TPO: variants seen among roughly 807,000 people sequenced by gnomAD.
The protein encoded by TPO is thyroid peroxidase.
In TPO, 78 loss-of-function variants were observed where a neutral mutation model predicts 96.9. That is an observed-to-expected ratio of 0.81 (90% CI 0.67 to 0.97). The LOEUF (loss-of-function observed/expected upper bound fraction) is 0.97. Among genes scored for constraint, TPO ranks in the 50% least tolerant of loss-of-function variants. The probability of loss-of-function intolerance (pLI) is 0.00; values close to 1 mark genes in which losing one functional copy is unlikely to be tolerated. For synonymous variants in TPO, 547 were observed against 538.0 expected (o/e 1.02, Z -0.23); for missense variants, 1,252 against 1,274.8 (o/e 0.98, Z 0.27).
At chr2:1,498,305 G>A (rs538296797) in intron 13 of TPO, among the ~76,000 whole-genome samples, 9 of 152,288 alleles carry the variant, frequency 5.9e-5, no homozygotes, top group East Asian at 1.9e-4. Context: ...TGCGGCTCCC[G>A]CCAAGTCTGT....
chr2:1,380,175 A>G (rs951183154), intron 1 of TPO, among the ~76,000 whole-genome samples: 2 of 152,140 alleles, frequency 1.3e-5, no homozygotes, highest in African/African-American at 4.8e-5. Context: ...TGGGCGGATC[A>G]TGAGGTCAGG....
chr2:1,379,441 A>T (rs968569602), intron 1 of TPO, among the ~76,000 whole-genome samples: 1 of 152,158 alleles, frequency 6.6e-6, no homozygotes, highest in African/African-American at 2.4e-5. Flanking sequence ...AACAGGCGGT[A>T]GATCAAGCCA....
chr2:1,397,675 T>C (rs938325), intron 1 of TPO, among the ~76,000 whole-genome samples: 75,854 of 151,974 alleles, frequency 0.5, 19,086 homozygotes, highest in South Asian at 0.58. Context: ...CTCTGGTCCT[T>C]GTTGTTGCTC....
intron 15 of TPO, among the ~76,000 whole-genome samples, chr2:1,518,118 C>T (rs532794298): frequency 1.7e-4 from 26 of 152,324 alleles, no homozygotes; most frequent in Non-Finnish European, 2.4e-4. Context: ...CAGCCTCACC[C>T]GATACCACAT....
chr2:1,481,484 C>A (rs1047702646), intron 8 of TPO, among the ~76,000 whole-genome samples: 1 of 152,136 alleles, frequency 6.6e-6, no homozygotes, highest in African/African-American at 2.4e-5. Context: ...CCCAGATATC[C>A]AGGGACCCAC....
intron 5 of TPO, among the ~76,000 whole-genome samples, chr2:1,446,485 T>G (rs1666837458): frequency 6.6e-6 from 1 of 152,152 alleles, no homozygotes; most frequent in Non-Finnish European, 1.5e-5. Flanking sequence ...TCCCTTTCAT[T>G]TTGGCCCTTC....
At chr2:1,478,454 G>A (rs979849829) in intron 8 of TPO, 1 of 958,198 alleles carries the variant, frequency 1.0e-6, no homozygotes, top group African/African-American at 1.8e-5. Context: ...CCTTGTCCGA[G>A]GAGGCACAGG....
In TPO at chr2:1,484,614, T is replaced by G. The variant is rs121908083; in HGVS notation, c.1357T>G (p.Tyr453Asp). Residue 453 changes from tyrosine (Y) to aspartate (D), a missense_variant, in exon 9 of 17, where the codon TAC becomes GAC. Coordinates refer to ENST00000329066, the MANE Select transcript of TPO (RefSeq NM_001206744.2). The stretch of plus-strand genomic sequence containing the variant: ...TGCACAGATCATCACCCTGAGGGAT[T>G]ACATCCCCAGGATCCTGGGACCCGA... ...ALHQIITLRD[Y>D]IPRILGPEAF... 268 of 1,614,020 alleles carry G rather than the reference T, an allele frequency of 1.7e-4. No homozygotes were observed. Among genetic ancestry groups the G allele is most frequent in the Non-Finnish European group, 2.1e-4 (253 of 1,180,038 alleles).
intron 5 of TPO, among the ~76,000 whole-genome samples, chr2:1,440,061 T>C (rs1337254621): frequency 6.6e-6 from 1 of 151,996 alleles, no homozygotes; most frequent in Non-Finnish European, 1.5e-5. Flanking sequence ...TTCCCATCCT[T>C]GTCTGGGCTG....
chr2:1,526,492 G>A (rs1466390737), intron 15 of TPO, among the ~76,000 whole-genome samples: 3 of 83,764 alleles, frequency 3.6e-5, no homozygotes, highest in South Asian at 4.1e-4. Context: ...CCTCAAGTCC[G>A]CCACTGTGTG....
At chr2:1,395,905 G>A (rs984434585) in intron 1 of TPO, among the ~76,000 whole-genome samples, 2 of 152,190 alleles carry the variant, frequency 1.3e-5, no homozygotes, top group East Asian at 1.9e-4. Context: ...ATGATTGTGA[G>A]GCCTCCCCAG....
At chr2:1,476,753 G>A (rs1669970828) in intron 7 of TPO, among the ~76,000 whole-genome samples, 1 of 152,144 alleles carries the variant, frequency 6.6e-6, no homozygotes, top group African/African-American at 2.4e-5. Context: ...CCTCTTCCAG[G>A]CAAGAGACCA....
chr2:1,481,096 A>G (rs1314691656), intron 8 of TPO, among the ~76,000 whole-genome samples: 1 of 151,898 alleles, frequency 6.6e-6, no homozygotes, highest in African/African-American at 2.4e-5. Context: ...CTGGCTTGAG[A>G]TCCCACAGGA....
intron 1 of TPO, among the ~76,000 whole-genome samples, chr2:1,384,158 C>T (rs945683425): frequency 1.3e-5 from 2 of 152,176 alleles, no homozygotes; most frequent in African/African-American, 4.8e-5. Flanking sequence ...CGTGATGCCT[C>T]CAGCTATGTT....
At chr2:1,516,687 C>T (rs1674749132) in intron 14 of TPO, among the ~76,000 whole-genome samples, 196 bp from the exon 15 acceptor site, 2 of 152,206 alleles carry the variant, frequency 1.3e-5, no homozygotes, top group Non-Finnish European at 1.5e-5. Context: ...GCTCTCCCCA[C>T]ACACGTCACA....
chr2:1,440,003 G>A (rs898460315), intron 5 of TPO, among the ~76,000 whole-genome samples: 1 of 152,152 alleles, frequency 6.6e-6, no homozygotes, highest in African/African-American at 2.4e-5. Flanking sequence ...CTCCTAAGCC[G>A]CTTCGGCGTC....
At chr2:1,473,543 T>C (rs974014760) in intron 7 of TPO, among the ~76,000 whole-genome samples, 1 of 152,216 alleles carries the variant, frequency 6.6e-6, no homozygotes, top group East Asian at 1.9e-4. Flanking sequence ...AATTTGTATC[T>C]TCATATAAAC....
intron 3 of TPO, among the ~76,000 whole-genome samples, chr2:1,424,663 A>C (rs1664136477): frequency 6.6e-6 from 1 of 152,226 alleles, no homozygotes. Context: ...TCTCAAAAAA[A>C]TACACTATAC....
rs1390327786 is a variant in TPO at position 1,536,900 on chromosome 2, A to G, written c.2619-3694A>G. Reference sequence around the variant, plus strand: ...CCACCACTCTGTGCAACCTCCCCAAATCCCAACTGTTTGCAACCTCCCAAA... The same window carrying G: ...CCACCACTCTGTGCAACCTCCCCAAGTCCCAACTGTTTGCAACCTCCCAAA... On this transcript the variant is annotated intron_variant, in intron 15 of 16. Transcript: ENST00000329066. 3.6e-5 allele frequency among the ~76,000 whole-genome samples: 4 copies of G among 112,180 alleles called. No homozygotes were observed. The South Asian group carries it at 1.3e-3, about 36-fold the overall frequency. The allele number at this position is 112,180 out of a possible 152,430, so 73.6% of individuals were successfully genotyped here. A position where few individuals can be genotyped will look rare whatever the true frequency, so the allele number is the denominator to read the frequency against.
Sources: gnomAD v4.1 joint callset for allele counts (sites outside exome capture counted in the v4.1 genomes callset) on GRCh38, gnomAD v4.1.1 for gene constraint, MANE v1.5 for transcripts, NCBI Gene and HGNC (gene_info 2026-07-23, HGNC 2026-07-21) for gene names.